The following FANCD2OS variants were observed in gnomAD, a reference collection of about 807,000 sequenced individuals.
The protein encoded by FANCD2OS is FANCD2 opposite strand.
A neutral mutation model predicts 13.2 loss-of-function variants in FANCD2OS; 11 were observed. The observed-to-expected ratio is 0.83, with a 90% confidence interval of 0.52 to 1.38. FANCD2OS has a LOEUF of 1.38. Among genes scored for constraint, FANCD2OS ranks in the 40% most tolerant of loss-of-function variants. The pLI is 0.00. For synonymous variants in FANCD2OS, 69 were observed against 84.5 expected, an observed-to-expected ratio of 0.82 and a Z score of 1.01; for missense variants, 217 against 213.9, an observed-to-expected ratio of 1.01 and a Z score of -0.09.
Position 10,091,281 on chromosome 3 carries a change from G to A in FANCD2OS, c.*44-9750C>T, listed in dbSNP as rs1346907856. Among the ~76,000 whole-genome samples, 18 of 151,566 alleles carry A rather than the reference G, an allele frequency of 1.2e-4. 1 individual carries two copies. The highest frequency in any genetic ancestry group is 2.1e-4 in the South Asian group (1 of 4,782). ...TTTTTAGTAGAGGCGGGGTTTTGTCGTGTTGCTCAGGCTGGTCTTGAACTC... is the reference window on the plus strand; with the variant it reads ...TTTTTAGTAGAGGCGGGGTTTTGTCATGTTGCTCAGGCTGGTCTTGAACTC... On this transcript the variant is annotated intron_variant, in intron 2 of 2. Transcript: ENST00000524279.
chr3:10,085,911 G>A (rs1297743275), intron 2 of FANCD2OS: 3 of 1,610,290 alleles, frequency 1.9e-6, no homozygotes, highest in Admixed American at 1.7e-5. Context: ...AGCCTTTGGA[G>A]GAACTACTCA....
At chr3:10,099,943 C>G (rs746902945), downstream of FANCD2OS, among the ~76,000 whole-genome samples, 1 of 152,140 alleles carries the variant, frequency 6.6e-6, no homozygotes, top group African/African-American at 2.4e-5. Flanking sequence ...CACCTGTAAT[C>G]GTAGCACTTT....
At chr3:10,086,052 CAT>C in intron 2 of FANCD2OS, 1 of 700,162 alleles carries the variant, frequency 1.4e-6, no homozygotes. Context: ...CTACTCTCCT[CAT>C]ATATGAGCTT....
In FANCD2OS at chr3:10,105,805, T is replaced by A. The variant is rs866751425; in HGVS notation, c.-8-1023A>T. Among the ~76,000 whole-genome samples, 41 of 74,070 alleles carry A rather than the reference T, an allele frequency of 5.5e-4. 1 individual carries two copies. The highest frequency in any genetic ancestry group is 2.9e-3 in the African/African-American group (39 of 13,238). The allele number at this position is 74,070 out of a possible 152,430, so 48.6% of individuals were successfully genotyped here. On this transcript the variant is annotated intron_variant, in intron 1 of 1. Coordinates refer to ENST00000450660, the MANE Select transcript of FANCD2OS (RefSeq NM_001164839.2). Reference sequence around the variant, plus strand: ...ATATATATATATATATATATATATATATATATATATATATATTTTGAGGTT... The same window carrying A: ...ATATATATATATATATATATATATAAATATATATATATATATTTTGAGGTT...
At chr3:10,081,668 C>T in intron 2 of FANCD2OS, 1 of 602,648 alleles carries the variant, frequency 1.7e-6, no homozygotes, top group East Asian at 2.9e-5. Context: ...TATGTTAACC[C>T]ATTTGACAGA....
intron 2 of FANCD2OS, chr3:10,087,104 C>G (rs755009168): frequency 1.2e-6 from 2 of 1,612,700 alleles, no homozygotes; most frequent in Admixed American, 1.7e-5. Context: ...GATACTATTG[C>G]ATTTGTTTGT....
chr3:10,094,985 T>C lies in FANCD2OS; in HGVS notation c.*43+9213A>G, dbSNP rs545808241. 2.4e-5 allele frequency: 14 copies of C among 577,168 alleles called. 1 individual carries two copies. Among genetic ancestry groups the C allele is most frequent in the East Asian group, 2.0e-4 (7 of 34,444 alleles). 35.8% of individuals were successfully genotyped at this position (577,168 alleles called of 1,614,324 possible). A position where few individuals can be genotyped will look rare whatever the true frequency, so the allele number is the denominator to read the frequency against. Reference sequence around the variant, plus strand: ...ATGTAAAACTAAAATGCAGGTCTTATAACTCTCAGATTGATACAAGGGACA... The same window carrying C: ...ATGTAAAACTAAAATGCAGGTCTTACAACTCTCAGATTGATACAAGGGACA... On this transcript the variant is annotated intron_variant, in intron 2 of 2. Transcript: ENST00000524279.
downstream of FANCD2OS, among the ~76,000 whole-genome samples, chr3:10,097,935 G>A (rs1559410596): frequency 6.6e-6 from 1 of 152,098 alleles, no homozygotes; most frequent in Non-Finnish European, 1.5e-5. Context: ...CTCCGTTTGG[G>A]GTCCCTGACT....
chr3:10,092,326 CT>C, intron 2 of FANCD2OS: 1 of 1,138,920 alleles, frequency 8.8e-7, no homozygotes, highest in Non-Finnish European at 1.3e-6. Context: ...CCAAAATGGA[CT>C]TTCCTTGCTC....
intron 2 of FANCD2OS, among the ~76,000 whole-genome samples, chr3:10,086,306 C>A (rs938948880): frequency 7.9e-5 from 12 of 152,126 alleles, no homozygotes; most frequent in African/African-American, 2.9e-4. Flanking sequence ...TGTAGGAAGA[C>A]CTTATGTGGC....
chr3:10,101,087 C>T, downstream of FANCD2OS: 1 of 853,688 alleles, frequency 1.2e-6, no homozygotes, highest in Non-Finnish European at 1.9e-6. Flanking sequence ...AAAGTTTTAA[C>T]AGTGATAATA....
chr3:10,094,384 A>G, intron 2 of FANCD2OS: 2 of 1,596,672 alleles, frequency 1.3e-6, no homozygotes, highest in Non-Finnish European at 1.7e-6. Flanking sequence ...AGAGCAGAGA[A>G]CAAAGATATG....
At chr3:10,105,150 C>T (rs1332561231) in intron 1 of FANCD2OS, among the ~76,000 whole-genome samples, 1 of 152,068 alleles carries the variant, frequency 6.6e-6, no homozygotes, top group Non-Finnish European at 1.5e-5. Flanking sequence ...CTTCGCCCAG[C>T]CTAGATATTA....
At chr3:10,084,852 A>G (rs1575833882) in intron 2 of FANCD2OS, among the ~76,000 whole-genome samples, 1 of 152,210 alleles carries the variant, frequency 6.6e-6, no homozygotes, top group Non-Finnish European at 1.5e-5. Context: ...TTTTATGATC[A>G]CAGCCATAAT....
Position 10,104,656 on chromosome 3 carries a change from G to A in FANCD2OS, c.119C>T (p.Pro40Leu). Residue 40 changes from proline to leucine, a missense_variant, in exon 2 of 2, where the codon CCA (proline) becomes CTA (leucine). Coordinates refer to ENST00000450660, the MANE Select transcript of FANCD2OS (RefSeq NM_001164839.2). The part of the protein sequence containing the change: ...KHPFKASPCF[P>L]HTPSDLEVQL... Reference sequence around the variant, plus strand: ...CACTTCAAGGTCGGACGGTGTGTGTGGGAAGCAGGGGGAGGCCTTGAATGG... The same window carrying A: ...CACTTCAAGGTCGGACGGTGTGTGTAGGAAGCAGGGGGAGGCCTTGAATGG... 1 of 1,614,192 alleles carries A rather than the reference G, an allele frequency of 6.2e-7. No homozygotes were observed. The highest frequency in any genetic ancestry group is 1.3e-5 in the African/African-American group (1 of 75,046).
chr3:10,082,041 A>G (rs1312184843), intron 2 of FANCD2OS, among the ~76,000 whole-genome samples: 2 of 152,210 alleles, frequency 1.3e-5, no homozygotes, highest in Non-Finnish European at 2.9e-5. Flanking sequence ...TTTCTGAGCT[A>G]TAGGCATTTA....
At chr3:10,090,528 C>T (rs535842006) in intron 2 of FANCD2OS, 21 of 571,890 alleles carry the variant, frequency 3.7e-5, no homozygotes, top group South Asian at 1.7e-4. Flanking sequence ...GGCATGATCT[C>T]GGCTCACTGC....
chr3:10,096,656 C>T (rs149731414), intron 2 of FANCD2OS, among the ~76,000 whole-genome samples: 89 of 152,240 alleles, frequency 5.8e-4, no homozygotes, highest in African/African-American at 2.1e-3. Flanking sequence ...ACAGGCTGCA[C>T]CCCTCATCTT....
chr3:10,082,710 C>T (rs1475505191), intron 2 of FANCD2OS, among the ~76,000 whole-genome samples: 2 of 152,112 alleles, frequency 1.3e-5, no homozygotes, highest in African/African-American at 4.8e-5. Context: ...CTTAAGCATC[C>T]ATCCTGCCTC....
Sources: gnomAD v4.1 joint callset for allele counts (sites outside exome capture counted in the v4.1 genomes callset) on GRCh38, gnomAD v4.1.1 for gene constraint, MANE v1.5 for transcripts, NCBI Gene and HGNC (gene_info 2026-07-23, HGNC 2026-07-21) for gene names.